Variants in MALT1 observed in about 807,000 individuals in gnomAD.
MALT1 encodes the protein MALT1 paracaspase.
In MALT1, 36 loss-of-function variants were observed where a neutral mutation model predicts 85.5. That is an observed-to-expected ratio of 0.42 (90% CI 0.32 to 0.56). MALT1 has a LOEUF of 0.56. MALT1 is among the 20% of genes least tolerant of loss of function. The pLI, the probability that MALT1 is intolerant of heterozygous loss-of-function variation, is 0.10. For missense variants in MALT1, 716 were observed against 981.6 expected, an observed-to-expected ratio of 0.73 and a Z score of 3.62; for synonymous variants, 359 against 361.3, an observed-to-expected ratio of 0.99 and a Z score of 0.07.
intron 13 of MALT1, among the ~76,000 whole-genome samples, chr18:58,740,609 C>G (rs904225642): frequency 1.3e-5 from 2 of 151,246 alleles, no homozygotes; most frequent in African/African-American, 4.9e-5. Flanking sequence ...ACCTTAATTG[C>G]TTTGTGATCG....
rs371051170 is a variant in MALT1 at position 58,734,292 on chromosome 18, G to T, written c.1401-15G>T. On this transcript the variant is annotated splice_polypyrimidine_tract_variant and intron_variant, in intron 11 of 16. Coordinates refer to ENST00000649217, the MANE Select transcript of MALT1 (RefSeq NM_006785.4). ...TTCATATTTCTATCTGCCCTCCTCC[G>T]CCTCCCTTAAATAGAAATGACTACG... is the stretch of plus-strand genomic sequence containing the variant. 195 of 1,582,500 alleles carry T rather than the reference G, an allele frequency of 1.2e-4. 1 individual carries two copies. The highest frequency in any genetic ancestry group is 1.6e-4 in the Non-Finnish European group (187 of 1,151,810).
chr18:58,684,446 T>C lies in MALT1; in HGVS notation c.376+3110T>C, dbSNP rs1319737656. ...CATAATCTAAGATTTACTCTTTTTT[T>C]TTTTTTTTTTTTTTTTTGAGATGGA... On this transcript the variant is annotated intron_variant, in intron 2 of 16. Coordinates refer to ENST00000649217, the MANE Select transcript of MALT1 (RefSeq NM_006785.4). 1.3e-3 allele frequency among the ~76,000 whole-genome samples: 151 copies of C among 112,326 alleles called. 3 individuals carry two copies. The highest frequency in any genetic ancestry group is 7.2e-3 in the African/African-American group (146 of 20,330). The allele number at this position is 112,326 out of a possible 152,430, so 73.7% of individuals were successfully genotyped here. A position where few individuals can be genotyped will look rare whatever the true frequency, so the allele number is the denominator to read the frequency against.
chr18:58,678,723 A>G (rs2054277048), intron 1 of MALT1, among the ~76,000 whole-genome samples: 1 of 152,240 alleles, frequency 6.6e-6, no homozygotes, highest in South Asian at 2.1e-4. Context: ...ACAAAAAACA[A>G]CAAAGAAGAA....
chr18:58,722,119 T>C lies in MALT1; in HGVS notation c.1019-929T>C, dbSNP rs2054992835. ...TGGTGTGTTCTTTATTTTTTTTTTT[T>C]TATTTTTTTCTTCCCTTTGATACCA... On this transcript the variant is annotated intron_variant, in intron 9 of 16. Transcript: ENST00000649217. 2.1e-5 allele frequency among the ~76,000 whole-genome samples: 3 copies of C among 144,476 alleles called. 1 individual carries two copies. The highest frequency in any genetic ancestry group is 2.0e-4 in the Admixed American group (3 of 14,916). 94.8% of individuals were successfully genotyped at this position (144,476 alleles called of 152,430 possible).
Position 58,749,251 on chromosome 18 carries a change from A to G in MALT1, c.*1409A>G, listed in dbSNP as rs1024475223. 1.8e-5 allele frequency: 4 copies of G among 216,718 alleles called. No homozygotes were observed. Among genetic ancestry groups the G allele is most frequent in the African/African-American group, 9.0e-5 (4 of 44,532 alleles). 13.4% of individuals were successfully genotyped at this position (216,718 alleles called of 1,614,324 possible). A position where few individuals can be genotyped will look rare whatever the true frequency, so the allele number is the denominator to read the frequency against. On this transcript the variant is annotated 3_prime_UTR_variant, in exon 17 of 17. Transcript: ENST00000649217. Reference sequence around the variant, plus strand: ...TGTATTTGTGTATATGTGTGTATACATATGTTTATCTCACACACATTATGA... The same window carrying G: ...TGTATTTGTGTATATGTGTGTATACGTATGTTTATCTCACACACATTATGA...
intron 1 of MALT1, among the ~76,000 whole-genome samples, chr18:58,676,651 G>A (rs774965461): frequency 6.6e-6 from 1 of 152,066 alleles, no homozygotes; most frequent in Non-Finnish European, 1.5e-5. Context: ...GTCTACTTGC[G>A]TTACCTCCAC....
chr18:58,716,992 T>C (rs1221460625), intron 9 of MALT1, among the ~76,000 whole-genome samples: 4 of 152,172 alleles, frequency 2.6e-5, no homozygotes, highest in Non-Finnish European at 5.9e-5. Flanking sequence ...AACAGATAGA[T>C]TTATTGGGAA....
chr18:58,694,588 T>C (rs1175439054), intron 2 of MALT1, among the ~76,000 whole-genome samples: 1 of 152,276 alleles, frequency 6.6e-6, no homozygotes, highest in African/African-American at 2.4e-5. Context: ...ATTACAACTT[T>C]TGCAAATGTA....
chr18:58,738,134 C>G (rs2055251064), intron 13 of MALT1, among the ~76,000 whole-genome samples: 1 of 152,134 alleles, frequency 6.6e-6, no homozygotes. Flanking sequence ...TCCATGATAA[C>G]TACCATTCTA....
intron 2 of MALT1, among the ~76,000 whole-genome samples, chr18:58,689,938 G>C (rs1336383728): frequency 1.3e-5 from 2 of 152,236 alleles, no homozygotes; most frequent in African/African-American, 4.8e-5. Flanking sequence ...TGAGCCTGGA[G>C]AAGAGCGGAG....
rs568260140 is a variant in MALT1 at position 58,733,148 on chromosome 18, T to A, written c.1223-249T>A. Among the ~76,000 whole-genome samples, 5 of 152,302 alleles carry A rather than the reference T, an allele frequency of 3.3e-5. No individual in the cohort carries two copies. The South Asian group carries it at 1.0e-3, about 32-fold the overall frequency. On this transcript the variant is annotated intron_variant, in intron 10 of 16. Transcript: ENST00000649217. ...CTGGTTTCGAACCCCTGACCTCAAGTGATCTGCCTGCCTCGGCCTCCCAAA... is the reference window on the plus strand; with the variant it reads ...CTGGTTTCGAACCCCTGACCTCAAGAGATCTGCCTGCCTCGGCCTCCCAAA...
At chr18:58,695,329 G>A (rs926693748) in intron 2 of MALT1, among the ~76,000 whole-genome samples, 2 of 152,208 alleles carry the variant, frequency 1.3e-5, no homozygotes, top group African/African-American at 2.4e-5. Flanking sequence ...TCCCTGGGGC[G>A]AGTGAGTGAG....
chr18:58,688,303 C>G (rs949452010), intron 2 of MALT1, among the ~76,000 whole-genome samples: 11 of 130,086 alleles, frequency 8.5e-5, no homozygotes, highest in African/African-American at 3.0e-4. Context: ...ATATGTTACA[C>G]ACACACACAC....
At position 58,734,384 on chromosome 18, in the gene MALT1, A is replaced by G. The variant is rs778452862; in HGVS notation, c.1475+3A>G. On this transcript the variant is annotated splice_donor_region_variant and intron_variant, in intron 12 of 16. Transcript: ENST00000649217. The stretch of plus-strand genomic sequence containing the variant: ...AATATTGTGTTTGGATATGCCACGT[A>G]AGAACATTTGATGTTTACGTTGAAG... The G allele has an allele frequency of 2.5e-6, 4 of 1,609,946 alleles. No individual in the cohort carries two copies. The highest frequency in any genetic ancestry group is 3.4e-6 in the Non-Finnish European group (4 of 1,176,154).
chr18:58,671,539 C>G lies in MALT1; in HGVS notation c.-105C>G. On this transcript the variant is annotated 5_prime_UTR_variant, in exon 1 of 17. Transcript: ENST00000649217. The stretch of plus-strand genomic sequence containing the variant: ...TGCCGCGCTGCCAGATTTGTTCTTC[C>G]GCCCCTGCCTCCGCGGCTCGGAGGC... 1.4e-6 allele frequency: 1 copy of G among 698,496 alleles called. No individual in the cohort carries two copies. The highest frequency in any genetic ancestry group is 3.7e-5 in the East Asian group (1 of 27,024). The allele number at this position is 698,496 out of a possible 1,614,324, so 43.3% of individuals were successfully genotyped here.
chr18:58,727,167 A>G (rs982827492), intron 10 of MALT1, among the ~76,000 whole-genome samples: 2 of 152,148 alleles, frequency 1.3e-5, no homozygotes, highest in African/African-American at 4.8e-5. Context: ...GCACTTTTTC[A>G]TCTTTAGATT....
At chr18:58,737,777 T>A (rs983573913) in intron 13 of MALT1, among the ~76,000 whole-genome samples, 2 of 152,024 alleles carry the variant, frequency 1.3e-5, no homozygotes, top group Non-Finnish European at 2.9e-5. Flanking sequence ...GAGATAGGGT[T>A]TCGCCATGTT....
At position 58,700,584 on chromosome 18, in the gene MALT1, C is replaced by T. The variant is rs2144362033; in HGVS notation, c.642C>T (p.Ser214=). The stretch of plus-strand genomic sequence containing the variant: ...TGGATGTTTGCGACATCCCAGAGAG[C>T]TTCCAGAGTAAGTAACGAAAGAAGC... ...SQLDVCDIPE[S]FQRSVDGVSE... Residue 214 remains serine, a synonymous_variant, in exon 4 of 17, where the codon AGC becomes AGT. Transcript: ENST00000649217. 8 of 1,593,296 alleles carry T rather than the reference C, an allele frequency of 5.0e-6. No individual in the cohort carries two copies. The highest frequency in any genetic ancestry group is 6.8e-6 in the Non-Finnish European group (8 of 1,174,168).
At chr18:58,739,276 T>A (rs908264017) in intron 13 of MALT1, among the ~76,000 whole-genome samples, 3 of 152,176 alleles carry the variant, frequency 2.0e-5, no homozygotes, top group African/African-American at 7.2e-5. Context: ...GGCCTGTAAT[T>A]TTACTTTCTT....
Sources: gnomAD v4.1 joint callset for allele counts (sites outside exome capture counted in the v4.1 genomes callset) on GRCh38, gnomAD v4.1.1 for gene constraint, MANE v1.5 for transcripts, NCBI Gene and HGNC (gene_info 2026-07-23, HGNC 2026-07-21) for gene names.